The following WASHC2A variants were observed in gnomAD, a reference collection of about 807,000 sequenced individuals.
WASHC2A encodes WASH complex subunit 2A.
Under a neutral mutation model 140.3 loss-of-function variants are expected in WASHC2A, and 82 were observed. The observed-to-expected ratio is 0.58, with a 90% confidence interval of 0.49 to 0.70. The LOEUF is 0.70. WASHC2A is among the 30% of genes least tolerant of loss of function. WASHC2A has a pLI of 0.00. For synonymous variants in WASHC2A, 340 were observed against 560.8 expected (o/e 0.61, Z 5.56); for missense variants, 985 against 1,521.8 (o/e 0.65, Z 5.87).
At chr10:50,110,408 T>G in intron 20 of WASHC2A, 138 bp downstream of exon 20, 2 of 1,166,542 alleles carry the variant, frequency 1.7e-6, no homozygotes, top group African/African-American at 1.5e-5. Context: ...TGTCTTTGCT[T>G]TTCAATGGCA....
At chr10:50,098,486 A>T (rs1404849746) in intron 16 of WASHC2A, among the ~76,000 whole-genome samples, 2 of 123,014 alleles carry the variant, frequency 1.6e-5, no homozygotes, top group Non-Finnish European at 3.7e-5. Context: ...CACTGATCTG[A>T]CAGGAGGAGG....
At chr10:50,087,489 A>G (rs1258040988) in intron 8 of WASHC2A, among the ~76,000 whole-genome samples, 167 bp downstream of exon 8, 24 of 151,868 alleles carry the variant, frequency 1.6e-4, no homozygotes, top group Non-Finnish European at 3.4e-4. Flanking sequence ...CCTCCTTTGT[A>G]TATATTTTTT....
At chr10:50,105,991 T>C (rs2458462) in intron 18 of WASHC2A, among the ~76,000 whole-genome samples, 1 of 152,142 alleles carries the variant, frequency 6.6e-6, no homozygotes, top group African/African-American at 2.4e-5. Context: ...CCGTGCCCAT[T>C]GCAGGCTGTA....
At chr10:50,129,081 G>A (rs534901899) in intron 28 of WASHC2A, among the ~76,000 whole-genome samples, 1 of 152,216 alleles carries the variant, frequency 6.6e-6, no homozygotes, top group East Asian at 1.9e-4. Context: ...TAGGGGCCAA[G>A]GGAGGGGTTG....
intron 17 of WASHC2A, among the ~76,000 whole-genome samples, chr10:50,101,769 G>T (rs1194789417): frequency 6.6e-6 from 1 of 151,252 alleles, no homozygotes. Context: ...GGCTTAGCTA[G>T]GCCATTGTCA....
At chr10:50,083,554 CTT>C (rs1206903936) in intron 5 of WASHC2A, among the ~76,000 whole-genome samples, 4 of 83,682 alleles carry the variant, frequency 4.8e-5, no homozygotes, top group Admixed American at 1.1e-4. Flanking sequence ...ACTTTGGTAT[CTT>C]TTTTTTTTTT....
Position 50,127,638 on chromosome 10 carries a change from C to A in WASHC2A, c.2930C>A (p.Ser977Tyr). Residue 977 changes from serine to tyrosine, a missense_variant, in exon 28 of 31, where the codon TCT (serine) becomes TAT (tyrosine). By Grantham distance (144) the Ser-to-Tyr change is moderately radical. Transcript: ENST00000282633. ...CTGCCCACAGCGGCTTCCCAGATCTCTGAAGTAAAGCCTGTTTTGCCAGAA... is the reference window on the plus strand; with the variant it reads ...CTGCCCACAGCGGCTTCCCAGATCTATGAAGTAAAGCCTGTTTTGCCAGAA... ...ALLPTAASQISEVKPVLPELA... is the reference protein window; with the variant it reads ...ALLPTAASQIYEVKPVLPELA... 1.2e-6 allele frequency: 2 copies of A among 1,607,280 alleles called. No homozygotes were observed. The highest frequency in any genetic ancestry group is 1.7e-6 in the Non-Finnish European group (2 of 1,177,748).
chr10:50,091,443 C>A lies in WASHC2A; in HGVS notation c.856C>A (p.Pro286Thr). 16 of 1,550,024 alleles carry A rather than the reference C, an allele frequency of 1.0e-5. No homozygotes were observed. Among genetic ancestry groups the A allele is most frequent in the Non-Finnish European group, 1.4e-5 (16 of 1,147,026 alleles). ...TCTCCTGCTGTAGAAAAGAAGCAGA[C>A]CTACATCGTTTGCAGATGAGCTGGC... Reference protein sequence around the residue: ...EENTRPKRSRPTSFADELAAR... With the variant: ...EENTRPKRSRTTSFADELAAR... Residue 286 changes from proline (P) to threonine (T), a missense_variant, in exon 10 of 31, where the codon CCT becomes ACT. Coordinates refer to ENST00000282633, the MANE Select transcript of WASHC2A (RefSeq NM_001005751.3).
At chr10:50,092,335 G>C (rs1682002902) in intron 11 of WASHC2A, 102 bp downstream of exon 11, 2 of 1,378,430 alleles carry the variant, frequency 1.5e-6, no homozygotes, top group South Asian at 2.8e-5. Flanking sequence ...TTTTCCCTCT[G>C]ACAAATGGGT....
At chr10:50,070,244 T>C (rs1489953946) in intron 3 of WASHC2A, among the ~76,000 whole-genome samples, 1 of 152,224 alleles carries the variant, frequency 6.6e-6, no homozygotes, top group Admixed American at 6.5e-5. Context: ...ATTTACTGTT[T>C]CTTCTAGGTG....
chr10:50,099,687 T>G (rs1337089921), intron 16 of WASHC2A, among the ~76,000 whole-genome samples: 3 of 136,766 alleles, frequency 2.2e-5, no homozygotes, highest in East Asian at 5.5e-4. Flanking sequence ...TCAGAACCTG[T>G]CAGGCCCGTC....
chr10:50,126,662 A>T (rs1165604915), intron 26 of WASHC2A, among the ~76,000 whole-genome samples: 5 of 152,158 alleles, frequency 3.3e-5, no homozygotes, highest in African/African-American at 1.2e-4. Context: ...AGCGAGTGCC[A>T]GTTCCACGTG....
chr10:50,100,512 T>C (rs1424265363), intron 17 of WASHC2A, among the ~76,000 whole-genome samples: 154 of 152,304 alleles, frequency 1.0e-3, no homozygotes, highest in African/African-American at 3.3e-3. Context: ...AAATAATCTC[T>C]TGAGAGCACA....
rs1840432253 is a variant in WASHC2A at position 50,095,686 on chromosome 10, A to G, written c.1328A>G (p.Tyr443Cys). 15 of 1,611,416 alleles carry G rather than the reference A, an allele frequency of 9.3e-6. No homozygotes were observed. The highest frequency in any genetic ancestry group is 1.1e-5 in the South Asian group (1 of 90,918). Reference sequence around the variant, plus strand: ...CAGCCCACTCCAAGGAAAAGCCCCTATGGTCCCCCTCCCACTGGCCTCTTT... The same window carrying G: ...CAGCCCACTCCAAGGAAAAGCCCCTGTGGTCCCCCTCCCACTGGCCTCTTT... ...PEQPTPRKSPYGPPPTGLFDD... is the reference protein window; with the variant it reads ...PEQPTPRKSPCGPPPTGLFDD... The change falls in exon 15 of 31, where the codon TAT becomes TGT. Residue 443 changes from tyrosine to cysteine, a missense_variant. Physicochemically the swap from Tyr to Cys is radical, Grantham distance 194 (BLOSUM62 -2). Coordinates refer to ENST00000282633, the MANE Select transcript of WASHC2A (RefSeq NM_001005751.3).
chr10:50,103,951 G>T, intron 17 of WASHC2A, 91 bp from the exon 18 acceptor site: 3 of 1,208,272 alleles, frequency 2.5e-6, no homozygotes, highest in South Asian at 2.6e-5. Flanking sequence ...CATGGCAGCT[G>T]TCATGTCTGA....
At chr10:50,112,569 A>G (rs1361478599) in intron 20 of WASHC2A, among the ~76,000 whole-genome samples, 2 of 99,264 alleles carry the variant, frequency 2.0e-5, no homozygotes, top group Non-Finnish European at 4.4e-5. Flanking sequence ...ATAAAGAGAA[A>G]TGAAATTAGT....
chr10:50,110,260 G>A lies in WASHC2A; in HGVS notation c.2029G>A (p.Ala677Thr). 3 of 1,611,750 alleles carry A rather than the reference G, an allele frequency of 1.9e-6. No homozygotes were observed. Among genetic ancestry groups the A allele is most frequent in the Admixed American group, 1.7e-5 (1 of 59,974 alleles). The change falls in exon 20 of 31, where the codon GCC (alanine) becomes ACC (threonine). Residue 677 changes from alanine (A) to threonine (T), a missense_variant. Ala to Thr is a moderately conservative substitution (Grantham distance 58, BLOSUM62 0). Transcript: ENST00000282633. ...CGAAGAAGATGATCTTTTTGCCATTGCCAAGGACAGGTGAGATAGTCATTG... is the reference window on the plus strand; with the variant it reads ...CGAAGAAGATGATCTTTTTGCCATTACCAAGGACAGGTGAGATAGTCATTG... ...EDEEDDLFAI[A>T]KDSQKKTQRV...
intron 3 of WASHC2A, among the ~76,000 whole-genome samples, chr10:50,072,579 C>T (rs553172715): frequency 6.5e-4 from 98 of 149,814 alleles, no homozygotes; most frequent in South Asian, 1.9e-3. Flanking sequence ...CTCTACCTCC[C>T]GGGTTCACGC....
chr10:50,092,901 G>T (rs1554883412), intron 11 of WASHC2A, among the ~76,000 whole-genome samples: 1 of 151,440 alleles, frequency 6.6e-6, no homozygotes, highest in African/African-American at 2.4e-5. Flanking sequence ...GTGTCAGTTT[G>T]CAGATCCCTT....
Sources: allele counts gnomAD v4.1 joint callset (sites outside exome capture counted in the v4.1 genomes callset), GRCh38; gene constraint gnomAD v4.1.1; transcripts MANE v1.5; gene names NCBI Gene and HGNC (gene_info 2026-07-23, HGNC 2026-07-21).